HDAC9: variants seen among roughly 807,000 people sequenced by gnomAD.
HDAC9 encodes the protein MEF-2 interacting transcription repressor (MITR) protein.
HDAC9 carries 41 observed loss-of-function variants against 139.4 expected under a neutral mutation model. The observed-to-expected ratio is 0.29, with a 90% CI of 0.23 to 0.38. The LOEUF (loss-of-function observed/expected upper bound fraction) is 0.38. HDAC9 is among the 10% of genes least tolerant of loss of function. The probability of loss-of-function intolerance (pLI) is 1.00; values close to 1 mark genes in which losing one functional copy is unlikely to be tolerated. For synonymous variants in HDAC9, 517 were observed against 476.2 expected, an observed-to-expected ratio of 1.09 and a Z score of -1.12; for missense variants, 1,147 against 1,297.0, an observed-to-expected ratio of 0.88 and a Z score of 1.78.
intron 24 of HDAC9, among the ~76,000 whole-genome samples, chr7:18,963,532 A>C (rs1374886925): frequency 6.6e-6 from 1 of 152,226 alleles, no homozygotes; most frequent in Non-Finnish European, 1.5e-5. Flanking sequence ...ATATTAGAAT[A>C]ATAAGACTTA....
intron 2 of HDAC9, among the ~76,000 whole-genome samples, chr7:18,178,603 C>T (rs1789149431): frequency 6.6e-6 from 1 of 152,148 alleles, no homozygotes; most frequent in African/African-American, 2.4e-5. Context: ...TTATAAACCA[C>T]CTCTCTCCCA....
rs1406857803 is a variant in HDAC9, at chr7:18,685,397, A to G, written c.1731+18921A>G. Among the ~76,000 whole-genome samples, 11 of 151,890 alleles carry G rather than the reference A, an allele frequency of 7.2e-5. No individual in the cohort carries two copies. The East Asian group carries it at 1.9e-3, about 27-fold the overall frequency. On this transcript the variant is annotated intron_variant, in intron 12 of 25. Transcript: ENST00000686413. ...GTTCTTGGCCAGCTATACAATTTCT[A>G]GGTGTTCTATGCCTCAGTTTCCTCA...
At chr7:18,433,103 T>G (rs1018497180) in intron 1 of HDAC9, among the ~76,000 whole-genome samples, 1 of 152,042 alleles carries the variant, frequency 6.6e-6, no homozygotes, top group Admixed American at 6.5e-5. Context: ...CTCAAATCAA[T>G]AAAAATGATT....
At chr7:18,406,493 A>C (rs1305255499) in intron 1 of HDAC9, among the ~76,000 whole-genome samples, 1 of 151,620 alleles carries the variant, frequency 6.6e-6, no homozygotes, top group African/African-American at 2.4e-5. Context: ...TCCCGGGTTT[A>C]CGCCATTTTC....
At chr7:18,330,606 A>G (rs1392767057) in intron 1 of HDAC9, among the ~76,000 whole-genome samples, 1 of 151,486 alleles carries the variant, frequency 6.6e-6, no homozygotes, top group Non-Finnish European at 1.5e-5. Flanking sequence ...AGGGAAAAAA[A>G]AAACAACCAA....
intron 2 of HDAC9, among the ~76,000 whole-genome samples, chr7:18,202,278 A>C (rs754127782): frequency 2.6e-5 from 4 of 152,110 alleles, no homozygotes; most frequent in Non-Finnish European, 5.9e-5. Flanking sequence ...TTTGTTCCAG[A>C]TATTTTTCCA....
intron 12 of HDAC9, among the ~76,000 whole-genome samples, chr7:18,685,076 A>T (rs369193567): frequency 1.3e-5 from 2 of 152,032 alleles, no homozygotes; most frequent in South Asian, 2.1e-4. Context: ...AAGATAATTT[A>T]TGGAGAGAAA....
At chr7:18,377,924 T>A (rs1371542408) in intron 1 of HDAC9, among the ~76,000 whole-genome samples, 5 of 152,164 alleles carry the variant, frequency 3.3e-5, no homozygotes, top group Non-Finnish European at 7.3e-5. Flanking sequence ...AACAAGAAAA[T>A]GGTTTAATTT....
intron 25 of HDAC9, among the ~76,000 whole-genome samples, chr7:18,984,107 A>G (rs1301290938): frequency 6.6e-6 from 1 of 152,134 alleles, no homozygotes; most frequent in Non-Finnish European, 1.5e-5. Flanking sequence ...AAAATTAGAT[A>G]CATTTGTGTG....
intron 2 of HDAC9, among the ~76,000 whole-genome samples, chr7:18,285,053 G>T (rs1797348930): frequency 6.6e-6 from 1 of 152,050 alleles, no homozygotes; most frequent in Non-Finnish European, 1.5e-5. Context: ...AAAGTAAAAT[G>T]AACTAAAATT....
intron 25 of HDAC9, among the ~76,000 whole-genome samples, chr7:18,980,738 T>C (rs1563103247): frequency 1.8e-5 from 2 of 108,146 alleles, no homozygotes; most frequent in East Asian, 2.6e-4. Context: ...TTCTTCTTCT[T>C]CTTCTTCCTT....
At chr7:18,845,142 G>T (rs192061763) in intron 21 of HDAC9, among the ~76,000 whole-genome samples, 13 of 152,128 alleles carry the variant, frequency 8.5e-5, no homozygotes, top group Non-Finnish European at 1.8e-4. Flanking sequence ...TTTTTTGAGG[G>T]TGTGACAATT....
At chr7:18,342,862 A>G (rs1442084844) in intron 1 of HDAC9, among the ~76,000 whole-genome samples, 1 of 151,896 alleles carries the variant, frequency 6.6e-6, no homozygotes, top group South Asian at 2.1e-4. Context: ...TGTGCAAGCA[A>G]AGAGTGAAGT....
intron 1 of HDAC9, among the ~76,000 whole-genome samples, chr7:18,146,691 T>C (rs377526329): frequency 3.3e-5 from 5 of 152,238 alleles, no homozygotes; most frequent in Admixed American, 1.3e-4. Context: ...TTCTTGTATT[T>C]ATTTTTTCCT....
chr7:18,886,510 G>A (rs931847927), intron 22 of HDAC9, among the ~76,000 whole-genome samples: 15 of 152,030 alleles, frequency 9.9e-5, no homozygotes, highest in African/African-American at 3.4e-4. Context: ...ACACTTGATG[G>A]TGTTTCATCA....
intron 1 of HDAC9, among the ~76,000 whole-genome samples, chr7:18,410,922 T>TAAAGGAAAGAAGTAAAAA (rs1562961716): frequency 6.6e-6 from 1 of 152,228 alleles, no homozygotes; most frequent in Non-Finnish European, 1.5e-5. Flanking sequence ...CTCAATGTTA[T>TAAAGGAAAGAAGTAAAAA]AGGAAAGAAG....
intron 2 of HDAC9, among the ~76,000 whole-genome samples, chr7:18,257,098 ATG>A (rs376860335): frequency 7.4e-4 from 105 of 141,854 alleles, no homozygotes; most frequent in African/African-American, 2.4e-3. Context: ...CAAATTGTGT[ATG>A]TGTGTGTGTG....
intron 1 of HDAC9, among the ~76,000 whole-genome samples, chr7:18,379,255 C>T (rs1325674416): frequency 3.3e-5 from 5 of 152,142 alleles, no homozygotes; most frequent in African/African-American, 1.2e-4. Context: ...AGATTAAAAT[C>T]GTAACCACAT....
chr7:18,382,765 A>G (rs917283042), intron 1 of HDAC9, among the ~76,000 whole-genome samples: 2 of 152,270 alleles, frequency 1.3e-5, no homozygotes, highest in Admixed American at 1.3e-4. Context: ...ATAATTTTAA[A>G]GTAATTATTT....
Sources: gnomAD v4.1 joint callset for allele counts (sites outside exome capture counted in the v4.1 genomes callset) on GRCh38, gnomAD v4.1.1 for gene constraint, MANE v1.5 for transcripts, NCBI Gene and HGNC (gene_info 2026-07-23, HGNC 2026-07-21) for gene names.